The following ANAPC10 variants were observed in gnomAD, a reference collection of about 807,000 sequenced individuals.
The protein encoded by ANAPC10 is anaphase promoting complex subunit 10, also known as anaphase-promoting complex subunit 10.
Under a neutral mutation model 22.0 loss-of-function variants are expected in ANAPC10, and 12 were observed. The ratio of observed to expected loss-of-function variants is 0.55; its 90% CI spans 0.35 to 0.88. ANAPC10 has a LOEUF of 0.88. Ranked by LOEUF, ANAPC10 falls within the 40% of genes least tolerant of loss-of-function variation. The pLI is 0.01. For missense variants in ANAPC10, 188 were observed against 220.9 expected (o/e 0.85, Z 0.94); for synonymous variants, 65 against 69.5 (o/e 0.94, Z 0.32).
chr4:145,094,916 C>A (rs1431487449), intron 2 of ANAPC10, among the ~76,000 whole-genome samples: 1 of 151,916 alleles, frequency 6.6e-6, no homozygotes, highest in African/African-American at 2.4e-5. Context: ...AGAATTCTAT[C>A]CCAACAAAGA....
intron 4 of ANAPC10, among the ~76,000 whole-genome samples, chr4:145,000,066 A>G (rs965208245): frequency 1.3e-5 from 2 of 152,232 alleles, no homozygotes; most frequent in African/African-American, 4.8e-5. Flanking sequence ...GATGGATTAA[A>G]GACTTAAATG....
At chr4:145,036,863 G>A (rs947478951) in intron 4 of ANAPC10, among the ~76,000 whole-genome samples, 1 of 152,060 alleles carries the variant, frequency 6.6e-6, no homozygotes, top group African/African-American at 2.4e-5. Flanking sequence ...ATTCACAGTG[G>A]TAAAACTATA....
chr4:145,039,203 G>A (rs922343621), intron 4 of ANAPC10, among the ~76,000 whole-genome samples: 2 of 152,172 alleles, frequency 1.3e-5, no homozygotes, highest in Admixed American at 6.5e-5. Flanking sequence ...CAATGAGGAA[G>A]TGGAAAATGT....
chr4:145,066,774 A>AC (rs1157873386), intron 3 of ANAPC10, among the ~76,000 whole-genome samples: 4 of 6,196 alleles, frequency 6.5e-4, no homozygotes, highest in African/African-American at 8.6e-4. Flanking sequence ...CATTTTTCTG[A>AC]TTTAAAAAAA....
intron 4 of ANAPC10, among the ~76,000 whole-genome samples, chr4:145,027,210 G>A (rs1736894162): frequency 1.3e-5 from 2 of 149,816 alleles, no homozygotes; most frequent in Admixed American, 1.3e-4. Flanking sequence ...TGCCATGTTG[G>A]CCAGGCTAGT....
rs34113172 is a variant in ANAPC10 at position 145,071,628 on chromosome 4, A to G, written c.207-6936T>C. 4.4e-3 allele frequency among the ~76,000 whole-genome samples: 666 copies of G among 152,312 alleles called. 3 individuals carry two copies. Among genetic ancestry groups the G allele is most frequent in the African/African-American group, 0.015 (612 of 41,578 alleles). On this transcript the variant is annotated intron_variant, in intron 3 of 4. Transcript: ENST00000507656. ...TTTGAGAAAATCCAAAAATGTCTCAAGAAACTGGGAAAAGGGAACTTTATA... is the reference window on the plus strand; with the variant it reads ...TTTGAGAAAATCCAAAAATGTCTCAGGAAACTGGGAAAAGGGAACTTTATA...
At chr4:145,014,792 G>A (rs1413764751) in intron 4 of ANAPC10, among the ~76,000 whole-genome samples, 1 of 152,126 alleles carries the variant, frequency 6.6e-6, no homozygotes, top group Non-Finnish European at 1.5e-5. Context: ...GTACCAGTCC[G>A]GAGGCTGGTA....
chr4:144,997,490 C>G (rs1402522283), intron 4 of ANAPC10, among the ~76,000 whole-genome samples: 3 of 152,156 alleles, frequency 2.0e-5, no homozygotes, highest in Non-Finnish European at 2.9e-5. Context: ...CCAAACTAAG[C>G]TTCATAAGTG....
chr4:145,095,552 T>C (rs1354940757), intron 2 of ANAPC10, among the ~76,000 whole-genome samples: 2 of 152,130 alleles, frequency 1.3e-5, no homozygotes, highest in African/African-American at 2.4e-5. Context: ...TTCTGAAGTA[T>C]TGTCAGAAGG....
At chr4:145,004,855 T>G (rs1405125727) in intron 4 of ANAPC10, among the ~76,000 whole-genome samples, 2 of 152,074 alleles carry the variant, frequency 1.3e-5, no homozygotes, top group Non-Finnish European at 2.9e-5. Context: ...CAGGATGCTG[T>G]TGGCTTCACA....
At chr4:145,096,429 T>A (rs1015256084) in intron 1 of ANAPC10, among the ~76,000 whole-genome samples, 5 of 152,116 alleles carry the variant, frequency 3.3e-5, no homozygotes, top group African/African-American at 1.2e-4. Context: ...AATTCAGGTT[T>A]TGTTTCATAT....
rs934319155 is a variant in ANAPC10 at position 145,037,030 on chromosome 4, G to A, written c.327+27542C>T. 2.8e-5 allele frequency among the ~76,000 whole-genome samples: 4 copies of A among 142,162 alleles called. No individual in the cohort carries two copies. In the South Asian group the frequency reaches 9.5e-4, roughly 34 times the overall value. 93.3% of individuals were successfully genotyped at this position (142,162 alleles called of 152,430 possible). On this transcript the variant is annotated intron_variant, in intron 4 of 4. Coordinates refer to ENST00000507656, the MANE Select transcript of ANAPC10 (RefSeq NM_001256706.2). ...TGTGTGTGTGTGTGTGTGTGTGTGT[G>A]TGTGTGTGTATGTGTGTGCATGCAT...
At chr4:145,074,752 G>A (rs938082303) in intron 3 of ANAPC10, among the ~76,000 whole-genome samples, 21 of 152,210 alleles carry the variant, frequency 1.4e-4, no homozygotes, top group African/African-American at 4.6e-4. Context: ...TTTTCTGACA[G>A]GTAGCAACTA....
intron 1 of ANAPC10, chr4:145,097,377 GAAA>G: frequency 1.2e-6 from 1 of 821,630 alleles, no homozygotes; most frequent in East Asian, 6.3e-5. Context: ...ATTCATATGT[GAAA>G]AAACACTTCA....
intron 4 of ANAPC10, among the ~76,000 whole-genome samples, chr4:145,008,226 G>A (rs549510519): frequency 2.2e-4 from 34 of 152,282 alleles, no homozygotes; most frequent in African/African-American, 8.2e-4. Flanking sequence ...TCCAGGACCA[G>A]ATGGATTCAC....
Position 145,064,660 on chromosome 4 carries a change from T to C in ANAPC10, c.239A>G (p.Tyr80Cys), listed in dbSNP as rs1380375906. 2 of 1,587,080 alleles carry C rather than the reference T, an allele frequency of 1.3e-6. No homozygotes were observed. Among genetic ancestry groups the C allele is most frequent in the Non-Finnish European group, 1.7e-6 (2 of 1,164,244 alleles). The change falls in exon 4 of 5, where the codon TAT (tyrosine) becomes TGT (cysteine). Residue 80 changes from tyrosine to cysteine, a missense_variant. Physicochemically the swap from Tyr to Cys is radical, Grantham distance 194. Coordinates refer to ENST00000507656, the MANE Select transcript of ANAPC10 (RefSeq NM_001256706.2). ...GCTTTCATCAGATTTGTAGTCTGCA[T>C]AAATACATAATGTCTTCACTGTTGT... ...RKTTVKTLCIYADYKSDESYT... is the reference protein window; with the variant it reads ...RKTTVKTLCICADYKSDESYT...
chr4:145,048,290 A>G (rs950951727), intron 4 of ANAPC10, among the ~76,000 whole-genome samples: 2 of 152,182 alleles, frequency 1.3e-5, no homozygotes, highest in African/African-American at 4.8e-5. Flanking sequence ...TGCTAACCAA[A>G]GCCATCAAAG....
At chr4:144,996,954 T>C (rs991884936) in intron 4 of ANAPC10, among the ~76,000 whole-genome samples, 3 of 152,060 alleles carry the variant, frequency 2.0e-5, no homozygotes, top group Non-Finnish European at 4.4e-5. Context: ...CAAGCTTCAA[T>C]AGCTGATTCG....
chr4:145,039,885 T>C (rs1324761443), intron 4 of ANAPC10, among the ~76,000 whole-genome samples: 2 of 152,052 alleles, frequency 1.3e-5, no homozygotes, highest in African/African-American at 4.8e-5. Flanking sequence ...TAAGTCACTG[T>C]ACTCAGCCAA....
Sources: gnomAD v4.1 joint callset for allele counts (sites outside exome capture counted in the v4.1 genomes callset) on GRCh38, gnomAD v4.1.1 for gene constraint, MANE v1.5 for transcripts, NCBI Gene and HGNC (gene_info 2026-07-23, HGNC 2026-07-21) for gene names.